ACAT1: variants seen among roughly 807,000 people sequenced by gnomAD.
ACAT1 encodes the protein acetyl-CoA acetyltransferase 1.
A neutral mutation model predicts 47.3 loss-of-function variants in ACAT1; 28 were observed. The ratio of observed to expected loss-of-function variants is 0.59; its 90% CI spans 0.44 to 0.81. The LOEUF (loss-of-function observed/expected upper bound fraction) is 0.81. Among genes scored for constraint, ACAT1 ranks in the 30% least tolerant of loss-of-function variants. The pLI is 0.00. For synonymous variants in ACAT1, 181 were observed against 173.6 expected (o/e 1.04, Z -0.34); for missense variants, 469 against 524.3 (o/e 0.89, Z 1.03).
At chr11:108,139,470 T>C (rs1415908433) in intron 6 of ACAT1, among the ~76,000 whole-genome samples, 1 of 151,706 alleles carries the variant, frequency 6.6e-6, no homozygotes, top group Non-Finnish European at 1.5e-5. Flanking sequence ...GTGGTGTCTG[T>C]AATCCCAGCT....
At chr11:108,134,366 C>T (rs752919968) in intron 4 of ACAT1, 50 bp downstream of exon 4, 35 of 1,463,802 alleles carry the variant, frequency 2.4e-5, no homozygotes, top group South Asian at 7.9e-5. Context: ...TAAAAGGGGC[C>T]GGGTGCGGTG....
intron 1 of ACAT1, among the ~76,000 whole-genome samples, chr11:108,130,234 C>T (rs1315316494): frequency 6.6e-6 from 1 of 152,060 alleles, no homozygotes; most frequent in Non-Finnish European, 1.5e-5. Context: ...TGGGTGAGTC[C>T]ATTCCATTCT....
In ACAT1 at chr11:108,141,664, G is replaced by C; in HGVS notation, c.790G>C (p.Val264Leu). ...ATATAAACGTGTTGATTTTAGCAAA[G>C]TTCCAAAGCTGAAGACAGTTTTCCA... is the stretch of plus-strand genomic sequence containing the variant. The part of the protein sequence containing the change: ...EEYKRVDFSK[V>L]PKLKTVFQKE... The change falls in exon 8 of 12, where the codon GTT becomes CTT. Residue 264 changes from valine to leucine, a missense_variant. Coordinates refer to ENST00000265838, the MANE Select transcript of ACAT1 (RefSeq NM_000019.4). The C allele has an allele frequency of 6.2e-7, 1 of 1,613,642 alleles. No homozygotes were observed. Among genetic ancestry groups the C allele is most frequent in the Non-Finnish European group, 8.5e-7 (1 of 1,179,820 alleles).
chr11:108,119,681 A>C (rs1309544668), upstream of ACAT1, among the ~76,000 whole-genome samples: 5 of 151,366 alleles, frequency 3.3e-5, no homozygotes, highest in African/African-American at 9.7e-5. Context: ...CACACACACA[A>C]AGTTTAAACA....
At chr11:108,122,062 T>G in intron 1 of ACAT1, 1 of 314,750 alleles carries the variant, frequency 3.2e-6, no homozygotes, top group Non-Finnish European at 5.9e-6. Flanking sequence ...TAAAACATAT[T>G]TGTGTGCGTT....
chr11:108,132,144 C>A (rs926093930), intron 2 of ACAT1, among the ~76,000 whole-genome samples, 190 bp downstream of exon 2: 2 of 152,152 alleles, frequency 1.3e-5, no homozygotes, highest in Non-Finnish European at 2.9e-5. Context: ...TTAGTCTCTG[C>A]CAATGTTTGT....
Position 108,121,994 on chromosome 11 carries a change from C to G in ACAT1, c.72+316C>G, listed in dbSNP as rs546435208. 8.4e-4 allele frequency: 402 copies of G among 476,750 alleles called. 1 individual carries two copies. Among genetic ancestry groups the G allele is most frequent in the Non-Finnish European group, 1.2e-3 (306 of 262,844 alleles). 29.5% of individuals were successfully genotyped at this position (476,750 alleles called of 1,614,324 possible). Reference sequence around the variant, plus strand: ...AGGATTGGCGCTGGCCCGGCCTGAGCGGTGGGATCGGGGAGAGTCTCTTTG... The same window carrying G: ...AGGATTGGCGCTGGCCCGGCCTGAGGGGTGGGATCGGGGAGAGTCTCTTTG... On this transcript the variant is annotated intron_variant, in intron 1 of 11. Coordinates refer to ENST00000265838, the MANE Select transcript of ACAT1 (RefSeq NM_000019.4).
At chr11:108,121,051 A>C (rs2077139339), upstream of ACAT1, among the ~76,000 whole-genome samples, 2 of 152,074 alleles carry the variant, frequency 1.3e-5, no homozygotes. Flanking sequence ...AAATACAAAA[A>C]TTATCTGGTT....
chr11:108,143,995 C>T lies in ACAT1; in HGVS notation c.953C>T (p.Ala318Val), dbSNP rs1263257165. 4.5e-6 allele frequency: 3 copies of T among 662,004 alleles called. No individual in the cohort carries two copies. The highest frequency in any genetic ancestry group is 5.7e-5 in the East Asian group (1 of 17,568). 41.0% of individuals were successfully genotyped at this position (662,004 alleles called of 1,614,324 possible). Reference protein sequence around the residue: ...PLARIVAFADAAVEPIDFPIA... With the variant: ...PLARIVAFADVAVEPIDFPIA... ...TTTTTTTAAACAGCATTTGCTGACG[C>T]TGCTGTAGAACCTATTGATTTTCCA... Residue 318 changes from alanine (A) to valine (V), a missense_variant, in exon 10 of 12, where the codon GCT (alanine) becomes GTT (valine). Ala to Val is a moderately conservative substitution (Grantham distance 64). Coordinates refer to ENST00000265838, the MANE Select transcript of ACAT1 (RefSeq NM_000019.4).
At chr11:108,119,748 A>G (rs1444196075), upstream of ACAT1, among the ~76,000 whole-genome samples, 1 of 152,128 alleles carries the variant, frequency 6.6e-6, no homozygotes, top group Non-Finnish European at 1.5e-5. Context: ...CCAGTATGAA[A>G]AATATTTGTC....
intron 5 of ACAT1, chr11:108,136,035 TA>T (rs746057882): frequency 5.9e-4 from 360 of 612,612 alleles, no homozygotes; most frequent in Middle Eastern, 1.0e-3. Context: ...GCTTTCTAAT[TA>T]GCCTTGCTGA....
chr11:108,122,341 C>T (rs1337405690), intron 1 of ACAT1, among the ~76,000 whole-genome samples: 1 of 152,214 alleles, frequency 6.6e-6, no homozygotes, highest in Admixed American at 6.5e-5. Context: ...ATTTATTCTC[C>T]ACATGCGTAA....
chr11:108,128,258 T>C (rs1361712285), intron 1 of ACAT1, among the ~76,000 whole-genome samples: 1 of 152,080 alleles, frequency 6.6e-6, no homozygotes, highest in African/African-American at 2.4e-5. Flanking sequence ...AAATAGACAC[T>C]GTAGGTAACC....
chr11:108,125,345 C>T (rs577654225), intron 1 of ACAT1, among the ~76,000 whole-genome samples: 7 of 152,214 alleles, frequency 4.6e-5, no homozygotes, highest in East Asian at 3.9e-4. Context: ...GGTTCAGTGT[C>T]CTGACCATAC....
chr11:108,142,168 A>G (rs1043725575), intron 8 of ACAT1, among the ~76,000 whole-genome samples: 1 of 152,218 alleles, frequency 6.6e-6, no homozygotes, highest in East Asian at 1.9e-4. Context: ...ACTGGTCCCT[A>G]TGTTTCAAGA....
rs2077149656 is a variant in ACAT1 at position 108,121,618 on chromosome 11, G to GCC, written c.12_13insCC (p.Ala5ProfsTer23). 6.4e-7 allele frequency: 1 copy of GCC among 1,550,918 alleles called. No individual in the cohort carries two copies. Among genetic ancestry groups the GCC allele is most frequent in the Non-Finnish European group, 8.7e-7 (1 of 1,147,514 alleles). The stretch of plus-strand genomic sequence containing the variant: ...AGCCCTCTGCGACCATGGCTGTGCT[G>GCC]GCGGCACTTCTGCGCAGCGGCGCCC... On this transcript the variant is annotated frameshift_variant, in exon 1 of 12. Transcript: ENST00000265838. LOFTEE classifies it high-confidence loss of function.
Position 108,146,337 on chromosome 11 carries a change from G to C in ACAT1, c.1141G>C (p.Val381Leu). 1 of 1,613,962 alleles carries C rather than the reference G, an allele frequency of 6.2e-7. No homozygotes were observed. Among genetic ancestry groups the C allele is most frequent in the South Asian group, 1.1e-5 (1 of 91,084 alleles). ...AAAAGTGAATATCAATGGAGGAGCT[G>C]TTTCTCTGGGACATCCAATTGGGTA... is the stretch of plus-strand genomic sequence containing the variant. ...PQKVNINGGA[V>L]SLGHPIGMSG... Residue 381 changes from valine to leucine, a missense_variant, in exon 11 of 12, where the codon GTT (valine) becomes CTT (leucine). Physicochemically the swap from Val to Leu is conservative, Grantham distance 32 (BLOSUM62 1). Coordinates refer to ENST00000265838, the MANE Select transcript of ACAT1 (RefSeq NM_000019.4).
intron 1 of ACAT1, among the ~76,000 whole-genome samples, chr11:108,123,068 T>TACAC (rs55958034): frequency 0.11 from 16,918 of 149,664 alleles, 1,265 homozygotes; most frequent in Non-Finnish European, 0.15. Flanking sequence ...CTATTAAAAA[T>TACAC]ACACACACAC....
chr11:108,135,496 C>G (rs951053260), intron 5 of ACAT1, among the ~76,000 whole-genome samples: 1 of 151,190 alleles, frequency 6.6e-6, no homozygotes, highest in Non-Finnish European at 1.5e-5. Flanking sequence ...TTGAGACCAG[C>G]GTAGGCAACA....
Sources: allele counts gnomAD v4.1 joint callset (sites outside exome capture counted in the v4.1 genomes callset), GRCh38; gene constraint gnomAD v4.1.1; transcripts MANE v1.5; gene names NCBI Gene and HGNC (gene_info 2026-07-23, HGNC 2026-07-21).